APBA2: variants seen among roughly 807,000 people sequenced by gnomAD.
APBA2 encodes the protein amyloid-beta A4 precursor protein-binding family A member 2.
A neutral mutation model predicts 75.0 loss-of-function variants in APBA2; 30 were observed. The observed-to-expected ratio is 0.40, with a 90% CI of 0.30 to 0.54. APBA2 has a LOEUF of 0.54. APBA2 is among the 20% of genes least tolerant of loss of function. APBA2 has a pLI of 0.49. For synonymous variants in APBA2, 444 were observed against 409.6 expected, an observed-to-expected ratio of 1.08 and a Z score of -1.01; for missense variants, 801 against 1,016.1, an observed-to-expected ratio of 0.79 and a Z score of 2.88.
Position 29,054,913 on chromosome 15 carries a change from G to C in APBA2, c.951+78G>C. 2.1e-6 allele frequency: 3 copies of C among 1,402,646 alleles called. No homozygotes were observed. The highest frequency in any genetic ancestry group is 2.9e-6 in the Non-Finnish European group (3 of 1,023,958). The allele number at this position is 1,402,646 out of a possible 1,614,324, so 86.9% of individuals were successfully genotyped here. On this transcript the variant is annotated intron_variant, in intron 4 of 14. Transcript: ENST00000683413. This position sits in a 1 kb window ranked among gnomAD's most constrained non-coding sequence, Gnocchi z 6.1. ...ACCTCAGGGTACAGGCCTTGCAGAT[G>C]CTGAAGCGAGGCGGTGGGGGGTGCT...
At chr15:28,888,920 T>C (rs146216705) in intron 1 of APBA2, among the ~76,000 whole-genome samples, 67,887 of 151,798 alleles carry the variant, frequency 0.45, 15,471 homozygotes, top group Non-Finnish European at 0.47. Context: ...AAGTTTGAGA[T>C]GGTTGCTCAC....
chr15:29,074,115 C>T (rs1006884200), intron 4 of APBA2, among the ~76,000 whole-genome samples: 8 of 152,066 alleles, frequency 5.3e-5, no homozygotes, highest in Non-Finnish European at 1.0e-4. Context: ...TAGAGTTATC[C>T]TATGATCCAG....
chr15:29,087,268 A>ATT (rs1566990821), intron 6 of APBA2, among the ~76,000 whole-genome samples: 2 of 143,152 alleles, frequency 1.4e-5, no homozygotes, highest in African/African-American at 6.0e-5. Flanking sequence ...TTTTTTTAAA[A>ATT]AAAATTATTT....
intron 2 of APBA2, among the ~76,000 whole-genome samples, chr15:28,978,750 C>T (rs2037470124): frequency 6.6e-6 from 1 of 152,218 alleles, no homozygotes; most frequent in South Asian, 2.1e-4. Context: ...CATTGTGTCA[C>T]ATTCTTCTCC....
intron 2 of APBA2, among the ~76,000 whole-genome samples, chr15:28,980,029 GT>G (rs2037539910): frequency 6.6e-6 from 1 of 152,196 alleles, no homozygotes; most frequent in South Asian, 2.1e-4. Flanking sequence ...GTGAGCCGGG[GT>G]CAAAGCTGTC....
At chr15:28,949,159 T>C (rs1461341076) in intron 2 of APBA2, among the ~76,000 whole-genome samples, 2 of 151,696 alleles carry the variant, frequency 1.3e-5, no homozygotes, top group Non-Finnish European at 2.9e-5. Context: ...TGTCCGTTCA[T>C]GTGCCGTTGT....
chr15:29,086,532 C>G (rs2152940337), intron 6 of APBA2, among the ~76,000 whole-genome samples: 1 of 152,268 alleles, frequency 6.6e-6, no homozygotes, highest in Middle Eastern at 3.4e-3. Flanking sequence ...TTCCTGTGCC[C>G]CAAATTCCTG....
intron 6 of APBA2, among the ~76,000 whole-genome samples, chr15:29,077,705 C>G (rs1202903548): frequency 2.0e-5 from 3 of 152,164 alleles, no homozygotes; most frequent in Non-Finnish European, 4.4e-5. Flanking sequence ...ATGTGGAAAA[C>G]CTGAATTTAT....
chr15:29,067,286 A>G (rs1388683412), intron 4 of APBA2, among the ~76,000 whole-genome samples: 1 of 152,174 alleles, frequency 6.6e-6, no homozygotes, highest in Non-Finnish European at 1.5e-5. Context: ...AAAGAAGCAA[A>G]AACATTTTGG....
chr15:28,924,495 A>G (rs1218424244), intron 2 of APBA2, among the ~76,000 whole-genome samples: 2 of 152,208 alleles, frequency 1.3e-5, no homozygotes, highest in Non-Finnish European at 2.9e-5. Flanking sequence ...AATGTTTCCC[A>G]TAAATTAGAC....
At chr15:29,055,167 T>C (rs1042699971) in intron 4 of APBA2, among the ~76,000 whole-genome samples, 3 of 152,100 alleles carry the variant, frequency 2.0e-5, no homozygotes, top group African/African-American at 7.2e-5. Flanking sequence ...GGGCAGTATG[T>C]GTGGGAGAGC....
chr15:29,106,888 C>A, intron 12 of APBA2, 69 bp downstream of exon 12: 1 of 1,451,492 alleles, frequency 6.9e-7, no homozygotes, highest in Non-Finnish European at 9.6e-7. Flanking sequence ...CACTTTGCTG[C>A]AATCCCCACT....
At chr15:28,959,435 A>G (rs1315127331) in intron 2 of APBA2, among the ~76,000 whole-genome samples, 4 of 152,232 alleles carry the variant, frequency 2.6e-5, no homozygotes, top group African/African-American at 7.2e-5. Flanking sequence ...GCTTAATCCA[A>G]TCTGACTGAT....
chr15:29,052,256 C>T (rs991793974), intron 3 of APBA2, among the ~76,000 whole-genome samples: 4 of 151,852 alleles, frequency 2.6e-5, no homozygotes, highest in African/African-American at 9.7e-5. Context: ...GAGATCGTGA[C>T]CATCCTAGCT....
intron 1 of APBA2, among the ~76,000 whole-genome samples, chr15:28,901,164 G>A (rs1024855928): frequency 2.6e-5 from 4 of 152,210 alleles, no homozygotes; most frequent in African/African-American, 9.6e-5. Flanking sequence ...TGTGTCTTCA[G>A]CCATACTGCA....
At chr15:29,035,714 C>G (rs543626207) in intron 3 of APBA2, among the ~76,000 whole-genome samples, 1 of 152,288 alleles carries the variant, frequency 6.6e-6, no homozygotes, top group African/African-American at 2.4e-5. Flanking sequence ...CGTGCGGGCC[C>G]TGGACCAGCA....
chr15:28,983,898 C>A (rs924089353), intron 2 of APBA2, among the ~76,000 whole-genome samples: 2 of 152,326 alleles, frequency 1.3e-5, no homozygotes, highest in East Asian at 3.9e-4. Flanking sequence ...GTGGTCCCCA[C>A]CCCTGGGCTT....
intron 4 of APBA2, among the ~76,000 whole-genome samples, chr15:29,060,109 G>A (rs1173233875): frequency 1.3e-5 from 2 of 152,202 alleles, no homozygotes; most frequent in Non-Finnish European, 2.9e-5. Flanking sequence ...CCCAAATGGT[G>A]ATGATGGAAA....
chr15:28,935,156 T>G (rs1386541104), intron 2 of APBA2, among the ~76,000 whole-genome samples: 1 of 152,138 alleles, frequency 6.6e-6, no homozygotes, highest in Non-Finnish European at 1.5e-5. Context: ...TTCTTTGGAT[T>G]TTTATGCTGG....
Sources: gnomAD v4.1 joint callset for allele counts (sites outside exome capture counted in the v4.1 genomes callset) on GRCh38, gnomAD v4.1.1 for gene constraint, Gnocchi (gnomAD v3.1) non-coding constraint, MANE v1.5 for transcripts, NCBI Gene and HGNC (gene_info 2026-07-23, HGNC 2026-07-21) for gene names.